The following NALF1 variants were observed in gnomAD, a reference collection of about 807,000 sequenced individuals.
NALF1 encodes family with sequence similarity 155 member A.
NALF1 carries 3 observed loss-of-function variants against 48.4 expected under a neutral mutation model. The observed-to-expected ratio is 0.06, with a 90% CI of 0.03 to 0.16. NALF1 has a LOEUF of 0.16. Among genes scored for constraint, NALF1 ranks in the 10% least tolerant of loss-of-function variants. NALF1 has a pLI of 1.00. For synonymous variants in NALF1, 262 were observed against 245.7 expected, an observed-to-expected ratio of 1.07 and a Z score of -0.62; for missense variants, 526 against 571.5, an observed-to-expected ratio of 0.92 and a Z score of 0.81.
chr13:107,357,712 A>G (rs1882987895), intron 1 of NALF1, among the ~76,000 whole-genome samples: 1 of 152,244 alleles, frequency 6.6e-6, no homozygotes, highest in African/African-American at 2.4e-5. Flanking sequence ...CACTCATAAA[A>G]AAATGTTGCT....
intron 1 of NALF1, among the ~76,000 whole-genome samples, chr13:107,450,477 T>C (rs1444546877): frequency 2.6e-5 from 4 of 151,812 alleles, no homozygotes; most frequent in Admixed American, 6.6e-5. Context: ...TGCAGTGGGG[T>C]TCAAGAAAAC....
At chr13:107,345,742 C>G (rs1306277849) in intron 1 of NALF1, among the ~76,000 whole-genome samples, 2 of 152,146 alleles carry the variant, frequency 1.3e-5, no homozygotes, top group African/African-American at 2.4e-5. Context: ...GATTTATTAA[C>G]TGTAACTCTG....
chr13:107,850,421 T>A (rs1880276992), intron 1 of NALF1, among the ~76,000 whole-genome samples: 1 of 152,232 alleles, frequency 6.6e-6, no homozygotes, highest in Admixed American at 6.5e-5. Flanking sequence ...CATAGTATTA[T>A]ACTTGTTTAT....
chr13:107,595,383 A>T (rs566233778), intron 1 of NALF1, among the ~76,000 whole-genome samples: 1 of 152,250 alleles, frequency 6.6e-6, no homozygotes, highest in South Asian at 2.1e-4. Context: ...ATTTTAGTAT[A>T]TTAAAATTGT....
chr13:107,320,164 T>C (rs779463380), intron 1 of NALF1, among the ~76,000 whole-genome samples: 4 of 152,112 alleles, frequency 2.6e-5, no homozygotes, highest in Non-Finnish European at 4.4e-5. Flanking sequence ...AGGGGGTCTT[T>C]TAAAGATGTG....
chr13:107,679,316 C>T (rs748228713), intron 1 of NALF1, among the ~76,000 whole-genome samples: 7 of 152,048 alleles, frequency 4.6e-5, no homozygotes, highest in Non-Finnish European at 7.4e-5. Context: ...TATAAACGTT[C>T]CTATGATAGG....
At chr13:107,505,799 GT>G (rs1875679482) in intron 1 of NALF1, among the ~76,000 whole-genome samples, 1 of 152,130 alleles carries the variant, frequency 6.6e-6, no homozygotes, top group South Asian at 2.1e-4. Context: ...GAAGTTACCA[GT>G]TTTGATTATT....
intron 1 of NALF1, among the ~76,000 whole-genome samples, chr13:107,486,679 T>G (rs1885334808): frequency 6.6e-6 from 1 of 152,120 alleles, no homozygotes; most frequent in Admixed American, 6.5e-5. Flanking sequence ...GAGGTTTCAG[T>G]TTTAATTTCT....
intron 1 of NALF1, among the ~76,000 whole-genome samples, chr13:107,484,802 G>A (rs1885302974): frequency 6.6e-6 from 1 of 152,090 alleles, no homozygotes; most frequent in Non-Finnish European, 1.5e-5. Context: ...ACCACAGCAG[G>A]CAATACTTAT....
intron 1 of NALF1, among the ~76,000 whole-genome samples, chr13:107,585,935 A>G (rs1878442130): frequency 6.6e-6 from 1 of 152,144 alleles, no homozygotes; most frequent in South Asian, 2.1e-4. Context: ...TATGTTTAGC[A>G]CTGGAACATT....
intron 1 of NALF1, among the ~76,000 whole-genome samples, chr13:107,510,451 C>T (rs891953265): frequency 9.2e-5 from 14 of 151,934 alleles, no homozygotes; most frequent in African/African-American, 3.4e-4. Context: ...CAACAGAGGT[C>T]GAAAGAGTTT....
intron 1 of NALF1, among the ~76,000 whole-genome samples, chr13:107,540,101 T>C (rs1218560994): frequency 6.9e-6 from 1 of 145,622 alleles, no homozygotes; most frequent in Non-Finnish European, 1.5e-5. Flanking sequence ...TAAAGCATTA[T>C]GATTCTGTAG....
At chr13:107,782,469 C>T (rs1211877790) in intron 1 of NALF1, among the ~76,000 whole-genome samples, 2 of 151,722 alleles carry the variant, frequency 1.3e-5, no homozygotes, top group African/African-American at 2.4e-5. Flanking sequence ...TCTGCCCGGC[C>T]GCCACCCCGT....
At chr13:107,588,172 T>C (rs955958678) in intron 1 of NALF1, among the ~76,000 whole-genome samples, 9 of 152,104 alleles carry the variant, frequency 5.9e-5, no homozygotes, top group African/African-American at 1.9e-4. Context: ...AAGTGGACTG[T>C]CCATGGGAGG....
At position 107,683,685 on chromosome 13, in the gene NALF1, G is replaced by A. The variant is rs181338563; in HGVS notation, c.915+181997C>T. ...ATGCTGGGGTCCCCAGAGAGGCCGT[G>A]GCAGGACTGAAGCTGACTCTAACTC... is the stretch of plus-strand genomic sequence containing the variant. On this transcript the variant is annotated intron_variant, in intron 1 of 2. Transcript: ENST00000375915. Among the ~76,000 whole-genome samples, 334 of 152,286 alleles carry A rather than the reference G, an allele frequency of 2.2e-3. 1 individual carries two copies. Among genetic ancestry groups the A allele is most frequent in the African/African-American group, 7.0e-3 (293 of 41,564 alleles).
At chr13:107,415,996 T>C (rs905739939) in intron 1 of NALF1, among the ~76,000 whole-genome samples, 9 of 149,742 alleles carry the variant, frequency 6.0e-5, no homozygotes, top group East Asian at 4.1e-4. Context: ...AGACCACTTA[T>C]ATGCAGATTT....
chr13:107,452,049 G>A (rs1212793470), intron 1 of NALF1, among the ~76,000 whole-genome samples: 2 of 151,932 alleles, frequency 1.3e-5, no homozygotes, highest in East Asian at 1.9e-4. Flanking sequence ...TCTATCATGT[G>A]TCTATCCATA....
At chr13:107,398,408 C>CAGT (rs1371985963) in intron 1 of NALF1, among the ~76,000 whole-genome samples, 12 of 144,750 alleles carry the variant, frequency 8.3e-5, no homozygotes, top group Middle Eastern at 3.6e-3. Context: ...AAAACCCAAA[C>CAGT]AGTATAGACT....
intron 1 of NALF1, among the ~76,000 whole-genome samples, chr13:107,263,647 C>T (rs9587329): frequency 0.27 from 40,485 of 151,890 alleles, 6,040 homozygotes; most frequent in East Asian, 0.53. Context: ...TCTCTTTGCC[C>T]GCCACCGTGT....
Sources: allele counts gnomAD v4.1 joint callset (sites outside exome capture counted in the v4.1 genomes callset), GRCh38; gene constraint gnomAD v4.1.1; transcripts MANE v1.5; gene names NCBI Gene and HGNC (gene_info 2026-07-23, HGNC 2026-07-21).